PTAR1: variants seen among roughly 807,000 people sequenced by gnomAD.
PTAR1 encodes protein prenyltransferase alpha subunit repeat containing 1.
Under a neutral mutation model 45.5 loss-of-function variants are expected in PTAR1, and 17 were observed. The ratio of observed to expected loss-of-function variants is 0.37; its 90% confidence interval spans 0.26 to 0.56. The LOEUF is 0.56. PTAR1 is among the 20% of genes least tolerant of loss of function. The pLI is 0.77. For missense variants in PTAR1, 391 were observed against 476.3 expected, an observed-to-expected ratio of 0.82 and a Z score of 1.67; for synonymous variants, 169 against 171.3, an observed-to-expected ratio of 0.99 and a Z score of 0.11.
At position 69,723,377 on chromosome 9, in the gene PTAR1, C is replaced by G. The variant is rs199760631; in HGVS notation, c.896G>C (p.Ser299Thr). 1,538 of 1,613,872 alleles carry G rather than the reference C, an allele frequency of 9.5e-4. 4 individuals are homozygous for G. Among genetic ancestry groups the G allele is most frequent in the Non-Finnish European group, 9.2e-4 (1,085 of 1,179,794 alleles). The change falls in exon 6 of 8, where the codon AGC becomes ACC. Residue 299 changes from serine to threonine, a missense_variant. By Grantham distance (58) the Ser-to-Thr change is moderately conservative. Transcript: ENST00000340434. ...PHLLEEEVEFSTDLIDSYPGH... is the reference protein window; with the variant it reads ...PHLLEEEVEFTTDLIDSYPGH... Reference sequence around the variant, plus strand: ...TGGGTAGGAATCAATAAGATCAGTGCTGAATTCAACTTCTTCTTCTAGAAG... The same window carrying G: ...TGGGTAGGAATCAATAAGATCAGTGGTGAATTCAACTTCTTCTTCTAGAAG...
chr9:69,718,565 C>G lies in PTAR1; in HGVS notation c.986G>C (p.Gly329Ala). The change falls in exon 8 of 8, where the codon GGC becomes GCC. Residue 329 changes from glycine (G) to alanine (A), a missense_variant. Coordinates refer to ENST00000340434, the MANE Select transcript of PTAR1 (RefSeq NM_001099666.2). Reference protein sequence around the residue: ...IFYLQHHLNAGSQLSQAMEVD... With the variant: ...IFYLQHHLNAASQLSQAMEVD... Reference sequence around the variant, plus strand: ...TTCCATTGCTTGAGACAGCTGGGAGCCTGCTGGGATAAGGTGCAAGTCACT... The same window carrying G: ...TTCCATTGCTTGAGACAGCTGGGAGGCTGCTGGGATAAGGTGCAAGTCACT... The G allele has an allele frequency of 6.2e-7, 1 of 1,613,664 alleles. No individual in the cohort carries two copies. Among genetic ancestry groups the G allele is most frequent in the East Asian group, 2.2e-5 (1 of 44,858 alleles).
In PTAR1 at chr9:69,759,915, C is replaced by T; in HGVS notation, c.24G>A (p.Val8=). The T allele has an allele frequency of 2.6e-6, 4 of 1,522,212 alleles. No individual in the cohort carries two copies. The highest frequency in any genetic ancestry group is 3.5e-6 in the Non-Finnish European group (4 of 1,135,400). The allele number at this position is 1,522,212 out of a possible 1,614,324, so 94.3% of individuals were successfully genotyped here. MAETSEE[V]AVLVQRVVKD... is the part of the protein sequence containing the mutation. ...TCACAACCCGCTGCACCAGCACCGCCACCTCCTCGCTGGTCTCGGCCATGT... is the reference window on the plus strand; with the variant it reads ...TCACAACCCGCTGCACCAGCACCGCTACCTCCTCGCTGGTCTCGGCCATGT... The change falls in exon 1 of 8, where the codon GTG becomes GTA. Residue 8 remains valine (V), a synonymous_variant. Coordinates refer to ENST00000340434, the MANE Select transcript of PTAR1 (RefSeq NM_001099666.2).
At chr9:69,722,640 G>A (rs1431466266) in intron 6 of PTAR1, among the ~76,000 whole-genome samples, 1 of 150,448 alleles carries the variant, frequency 6.6e-6, no homozygotes, top group East Asian at 1.9e-4. Context: ...TTTTTCTAGG[G>A]GGGAAAAAAA....
chr9:69,758,290 C>T (rs570578820), intron 1 of PTAR1: 1 of 152,108 alleles, frequency 6.6e-6, no homozygotes, highest in African/African-American at 2.4e-5. Flanking sequence ...ATGATTACGA[C>T]ATTTTGTATT....
At position 69,717,572 on chromosome 9, in the gene PTAR1, G is replaced by T. The variant is rs1238591772; in HGVS notation, c.*770C>A. On this transcript the variant is annotated 3_prime_UTR_variant, in exon 8 of 8. Coordinates refer to ENST00000340434, the MANE Select transcript of PTAR1 (RefSeq NM_001099666.2). ...TCCAATACTTCTGACTTTGGTAATT[G>T]GGTAGAACATGCTAGAGAAAGAGAA... The T allele has an allele frequency of 6.6e-6, 1 of 152,098 alleles. No homozygotes were observed. Among genetic ancestry groups the T allele is most frequent in the Non-Finnish European group, 1.5e-5 (1 of 68,022 alleles). The allele number at this position is 152,098 out of a possible 1,614,324, so 9.4% of individuals were successfully genotyped here. A position where few individuals can be genotyped will look rare whatever the true frequency, so the allele number is the denominator to read the frequency against.
chr9:69,718,361 A>G lies in PTAR1; in HGVS notation c.1190T>C (p.Leu397Pro). ...CCTCTTTCATTGACTCAAAGTAACC[A>G]GCCATTTCCTGTATGCACTGGCAAA... Reference protein sequence around the residue: ...ARFASAYRKWLVTLSQ With the variant: ...ARFASAYRKWPVTLSQ Residue 397 changes from leucine to proline, a missense_variant, in exon 8 of 8, where the codon CTG (leucine) becomes CCG (proline). By Grantham distance (98) the Leu-to-Pro change is moderately conservative (BLOSUM62 -3). Around this residue, in one of 5 missense-constraint regions of PTAR1, gnomAD observed 181 missense variants for 227.7 expected, o/e 0.80. Transcript: ENST00000340434. 1 of 1,604,414 alleles carries G rather than the reference A, an allele frequency of 6.2e-7. No individual in the cohort carries two copies. Among genetic ancestry groups the G allele is most frequent in the Non-Finnish European group, 8.5e-7 (1 of 1,173,580 alleles).
intron 5 of PTAR1, among the ~76,000 whole-genome samples, chr9:69,726,472 T>G (rs1825283973): frequency 6.6e-6 from 1 of 152,088 alleles, no homozygotes; most frequent in Non-Finnish European, 1.5e-5. Flanking sequence ...CATATCTAAT[T>G]ATTTAGGAGA....
At chr9:69,740,211 G>C (rs1297292340) in intron 3 of PTAR1, among the ~76,000 whole-genome samples, 1 of 151,970 alleles carries the variant, frequency 6.6e-6, no homozygotes, top group Admixed American at 6.6e-5. Context: ...GTGTGTGTGT[G>C]TATGTATGTA....
intron 1 of PTAR1, chr9:69,758,496 G>A (rs1394420408): frequency 6.1e-6 from 1 of 164,894 alleles, no homozygotes; most frequent in Non-Finnish European, 1.3e-5. Context: ...CAACCACTAT[G>A]GATACTGCCA....
chr9:69,734,838 A>T (rs1825712506), intron 3 of PTAR1, among the ~76,000 whole-genome samples: 1 of 152,204 alleles, frequency 6.6e-6, no homozygotes, highest in Admixed American at 6.5e-5. Context: ...ATATAATTTT[A>T]CATCCTGCTC....
At chr9:69,731,931 C>A (rs1410633212) in intron 5 of PTAR1, 1 of 581,328 alleles carries the variant, frequency 1.7e-6, no homozygotes, top group East Asian at 2.9e-5. Context: ...ATGCACTAGC[C>A]TTAAGACTGC....
chr9:69,758,870 AAAAT>A (rs1013831212), intron 1 of PTAR1, among the ~76,000 whole-genome samples: 1 of 151,054 alleles, frequency 6.6e-6, no homozygotes, highest in Non-Finnish European at 1.5e-5. Context: ...AAAAAAAAAA[AAAAT>A]AAACTCCAAA....
intron 3 of PTAR1, among the ~76,000 whole-genome samples, chr9:69,736,253 C>G (rs919900713): frequency 1.3e-5 from 2 of 152,152 alleles, no homozygotes; most frequent in Non-Finnish European, 2.9e-5. Flanking sequence ...TGTTTTAAAA[C>G]AAGCTCTTCA....
intron 3 of PTAR1, among the ~76,000 whole-genome samples, chr9:69,735,798 A>T (rs1230914887): frequency 3.3e-5 from 5 of 152,046 alleles, no homozygotes; most frequent in African/African-American, 7.2e-5. Context: ...CAGCTCTTAT[A>T]CCATATCTAC....
intron 4 of PTAR1, among the ~76,000 whole-genome samples, chr9:69,732,672 G>A (rs1009489424): frequency 6.6e-6 from 1 of 151,022 alleles, no homozygotes; most frequent in African/African-American, 2.4e-5. Context: ...AAGGCAATTG[G>A]TGTGTGTGTG....
intron 5 of PTAR1, among the ~76,000 whole-genome samples, chr9:69,724,744 T>A (rs1021168895): frequency 3.9e-5 from 6 of 152,232 alleles, no homozygotes; most frequent in African/African-American, 1.4e-4. Flanking sequence ...GGCTTTAAGA[T>A]ATTTATTCAT....
chr9:69,719,019 C>A (rs1419484265), intron 6 of PTAR1, among the ~76,000 whole-genome samples: 1 of 152,136 alleles, frequency 6.6e-6, no homozygotes, highest in South Asian at 2.1e-4. Context: ...AGTCTTATTT[C>A]TGCTATAAGT....
At chr9:69,754,555 T>C (rs955563232) in intron 1 of PTAR1, among the ~76,000 whole-genome samples, 27 of 108,228 alleles carry the variant, frequency 2.5e-4, no homozygotes, top group Admixed American at 1.8e-3. Flanking sequence ...TTTTTTTTTT[T>C]CCTGAGACAG....
At chr9:69,744,532 C>T (rs1826185482) in intron 2 of PTAR1, among the ~76,000 whole-genome samples, 1 of 151,916 alleles carries the variant, frequency 6.6e-6, no homozygotes, top group African/African-American at 2.4e-5. Flanking sequence ...ACTACAGGCG[C>T]GTGCTACCAT....
Sources: allele counts gnomAD v4.1 joint callset (sites outside exome capture counted in the v4.1 genomes callset), GRCh38; gene constraint gnomAD v4.1.1; regional missense constraint gnomAD v4.1.1; transcripts MANE v1.5; gene names NCBI Gene and HGNC (gene_info 2026-07-23, HGNC 2026-07-21).